KPNA3: variants seen among roughly 807,000 people sequenced by gnomAD.
KPNA3 encodes the protein karyopherin subunit alpha 3.
In KPNA3, 13 loss-of-function variants were observed where a neutral mutation model predicts 73.8. That is an observed-to-expected ratio of 0.18 (90% CI 0.11 to 0.28). KPNA3 has a LOEUF of 0.28. KPNA3 is among the 10% of genes least tolerant of loss of function. KPNA3 has a pLI of 1.00. For synonymous variants in KPNA3, 186 were observed against 206.9 expected, an observed-to-expected ratio of 0.90 and a Z score of 0.87; for missense variants, 360 against 618.1, an observed-to-expected ratio of 0.58 and a Z score of 4.43.
chr13:49,738,341 A>T (rs1042495563), intron 2 of KPNA3, among the ~76,000 whole-genome samples: 4 of 152,168 alleles, frequency 2.6e-5, no homozygotes. Context: ...TATTCTAGAG[A>T]CTGTGTCTTT....
chr13:49,715,847 A>G (rs766234008), intron 10 of KPNA3, among the ~76,000 whole-genome samples: 4 of 152,242 alleles, frequency 2.6e-5, no homozygotes, highest in Admixed American at 1.3e-4. Context: ...AGTCATTGGT[A>G]TAATACTTTT....
chr13:49,783,809 G>A (rs1243050213), intron 1 of KPNA3, among the ~76,000 whole-genome samples: 2 of 151,976 alleles, frequency 1.3e-5, no homozygotes, highest in Non-Finnish European at 2.9e-5. Flanking sequence ...CACATTGATG[G>A]CATTAAACTA....
At position 49,726,492 on chromosome 13, in the gene KPNA3, A is replaced by C. The variant is rs1426982178; in HGVS notation, c.384-991T>G. ...TGAAACTAACTAAGAAGCAAGTAAC[A>C]GGGTGTTTGTGCATGTGTGTGTGTG... On this transcript the variant is annotated intron_variant, in intron 6 of 16. Coordinates refer to ENST00000261667, the MANE Select transcript of KPNA3 (RefSeq NM_002267.4). Among the ~76,000 whole-genome samples the C allele has an allele frequency of 3.3e-5, 5 of 152,290 alleles. No individual in the cohort carries two copies. In the East Asian group the frequency reaches 7.7e-4, roughly 23 times the overall value.
rs770417353 is a variant in KPNA3 at position 49,706,376 on chromosome 13, T to C, written c.1033-4A>G. ...TGGAAAGGAACCACACTGCTTCCTA[T>C]AATTGAACAAAATATAGGGCACCTT... is the stretch of plus-strand genomic sequence containing the variant. On this transcript the variant is annotated splice_polypyrimidine_tract_variant and splice_region_variant and intron_variant, in intron 12 of 16. Transcript: ENST00000261667. 6.2e-7 allele frequency: 1 copy of C among 1,608,172 alleles called. No individual in the cohort carries two copies. Among genetic ancestry groups the C allele is most frequent in the Non-Finnish European group, 8.5e-7 (1 of 1,175,106 alleles).
intron 12 of KPNA3, 84 bp downstream of exon 12, chr13:49,709,488 C>A: frequency 6.8e-5 from 73 of 1,072,410 alleles, no homozygotes; most frequent in South Asian, 2.2e-4. Context: ...TTAAGAAAAA[C>A]ATACAAGTAG....
intron 1 of KPNA3, among the ~76,000 whole-genome samples, chr13:49,762,695 C>T (rs1033466602): frequency 7.2e-5 from 11 of 152,028 alleles, no homozygotes; most frequent in Non-Finnish European, 8.8e-5. Flanking sequence ...TCACCACTCC[C>T]TAATCTCAAG....
intron 15 of KPNA3, among the ~76,000 whole-genome samples, chr13:49,705,323 C>A (rs1954197041): frequency 6.7e-6 from 1 of 149,540 alleles, no homozygotes; most frequent in African/African-American, 2.5e-5. Flanking sequence ...TGTGCCACTG[C>A]ACTCCAGCCT....
rs910734699 is a variant in KPNA3, at chr13:49,700,853, A to AT, written c.*946dup. ...TTAACTCCTGAAAGCTGAAAGCAAGATTTTTTTAAAAAACATCACCAATGG... is the reference window on the plus strand; with the variant it reads ...TTAACTCCTGAAAGCTGAAAGCAAGATTTTTTTTAAAAAACATCACCAATGG... On this transcript the variant is annotated 3_prime_UTR_variant, in exon 17 of 17. Transcript: ENST00000261667. The AT allele has an allele frequency of 1.3e-5, 2 of 152,462 alleles. No individual in the cohort carries two copies. The highest frequency in any genetic ancestry group is 6.5e-5 in the Admixed American group (1 of 15,274). 9.4% of individuals were successfully genotyped at this position (152,462 alleles called of 1,614,324 possible).
At chr13:49,719,696 T>C in intron 10 of KPNA3, 79 bp downstream of exon 10, 1 of 927,448 alleles carries the variant, frequency 1.1e-6, no homozygotes, top group Admixed American at 2.0e-5. Flanking sequence ...GTTGATAAAA[T>C]GTATGCTGAC....
chr13:49,770,179 CTTTT>C (rs35910811), intron 1 of KPNA3, among the ~76,000 whole-genome samples: 4 of 83,828 alleles, frequency 4.8e-5, no homozygotes, highest in African/African-American at 1.5e-4. Flanking sequence ...TTGTGGGCTG[CTTTT>C]TTTTTTTTTT....
At chr13:49,787,387 A>G (rs541653217) in intron 1 of KPNA3, among the ~76,000 whole-genome samples, 29 of 152,346 alleles carry the variant, frequency 1.9e-4, no homozygotes, top group South Asian at 1.2e-3. Flanking sequence ...GATATAGTCG[A>G]TATTTCTTCA....
chr13:49,753,470 AAT>A (rs1171938035), intron 1 of KPNA3, among the ~76,000 whole-genome samples: 1 of 152,246 alleles, frequency 6.6e-6, no homozygotes, highest in Non-Finnish European at 1.5e-5. Flanking sequence ...TGAAGAATCT[AAT>A]AGAGAATGGT....
chr13:49,792,368 G>GC (rs1449466332), intron 1 of KPNA3, 70 bp downstream of exon 1: 18 of 1,103,260 alleles, frequency 1.6e-5, no homozygotes, highest in East Asian at 3.4e-5. Flanking sequence ...CCCGGCGCCG[G>GC]CCCCCCGCCC....
At chr13:49,791,147 G>A (rs1313320935) in intron 1 of KPNA3, among the ~76,000 whole-genome samples, 2 of 152,132 alleles carry the variant, frequency 1.3e-5, no homozygotes, top group Admixed American at 1.3e-4. Flanking sequence ...TAATTTTGTA[G>A]CTCTGAAAAA....
intron 1 of KPNA3, among the ~76,000 whole-genome samples, chr13:49,752,448 T>A (rs569235103): frequency 6.6e-6 from 1 of 152,064 alleles, no homozygotes; most frequent in African/African-American, 2.4e-5. Context: ...AATGAGAGAA[T>A]AGGAAACAGA....
At chr13:49,716,537 C>G (rs1006844305) in intron 10 of KPNA3, among the ~76,000 whole-genome samples, 1 of 152,134 alleles carries the variant, frequency 6.6e-6, no homozygotes, top group African/African-American at 2.4e-5. Context: ...CTCCCCGACT[C>G]AAGCGATTCT....
chr13:49,731,652 T>C lies in KPNA3; in HGVS notation c.383+719A>G, dbSNP rs192152320. The stretch of plus-strand genomic sequence containing the variant: ...AAAATATCCCAAGTTTCAGTCTAGA[T>C]GCTCTTAAATGCAAAAAAAAAGCAT... On this transcript the variant is annotated intron_variant, in intron 6 of 16. Transcript: ENST00000261667. Among the ~76,000 whole-genome samples the C allele has an allele frequency of 4.4e-3, 671 of 152,328 alleles. 2 individuals are homozygous for C. The highest frequency in any genetic ancestry group is 7.6e-3 in the Non-Finnish European group (515 of 68,034).
At chr13:49,759,764 G>A (rs1315085005) in intron 1 of KPNA3, among the ~76,000 whole-genome samples, 2 of 152,218 alleles carry the variant, frequency 1.3e-5, no homozygotes, top group African/African-American at 4.8e-5. Flanking sequence ...TACAGATGAA[G>A]CTTCACTTGC....
chr13:49,744,669 C>T (rs1256693770), intron 2 of KPNA3, among the ~76,000 whole-genome samples: 3 of 152,154 alleles, frequency 2.0e-5, no homozygotes, highest in Admixed American at 6.5e-5. Context: ...GACAGGGATT[C>T]ACCATGTTGG....
Sources: allele counts gnomAD v4.1 joint callset (sites outside exome capture counted in the v4.1 genomes callset), GRCh38; gene constraint gnomAD v4.1.1; transcripts MANE v1.5; gene names NCBI Gene and HGNC (gene_info 2026-07-23, HGNC 2026-07-21).